Variants in SENP8 observed in about 807,000 individuals in gnomAD.
SENP8 encodes the protein SUMO peptidase family member, NEDD8 specific, also known as sentrin-specific protease 8.
SENP8 carries 10 observed loss-of-function variants against 14.4 expected under a neutral mutation model. The observed-to-expected ratio is 0.69, with a 90% CI of 0.43 to 1.18. The LOEUF is 1.18. Among genes scored for constraint, SENP8 ranks in the 50% most tolerant of loss-of-function variants. The pLI is 0.00. For missense variants in SENP8, 202 were observed against 249.4 expected (o/e 0.81, Z 1.28); for synonymous variants, 94 against 95.5 (o/e 0.98, Z 0.09).
At chr15:72,121,215 T>A (rs2081164440) in intron 1 of SENP8, among the ~76,000 whole-genome samples, 3 of 152,020 alleles carry the variant, frequency 2.0e-5, no homozygotes, top group South Asian at 4.2e-4. Flanking sequence ...AGAAAATAAA[T>A]CAGGAAAGGT....
intron 1 of SENP8, among the ~76,000 whole-genome samples, chr15:72,121,179 G>A (rs1567065101): frequency 6.6e-6 from 1 of 152,182 alleles, no homozygotes; most frequent in Non-Finnish European, 1.5e-5. Context: ...GAGCTTGTGG[G>A]TGTATATGTC....
chr15:72,117,093 G>C (rs2081010341), upstream of SENP8: 1 of 152,298 alleles, frequency 6.6e-6, no homozygotes, highest in African/African-American at 2.4e-5. Flanking sequence ...GTTGAGAGAG[G>C]CTACAGTCGG....
upstream of SENP8, among the ~76,000 whole-genome samples, chr15:72,117,491 A>G (rs2081035303): frequency 6.6e-6 from 1 of 152,010 alleles, no homozygotes; most frequent in Non-Finnish European, 1.5e-5. Context: ...CGGCCAATGG[A>G]AGATACAGGG....
At chr15:72,114,817 TTGAC>T (rs2080909760), upstream of SENP8, among the ~76,000 whole-genome samples, 1 of 152,192 alleles carries the variant, frequency 6.6e-6, no homozygotes, top group African/African-American at 2.4e-5. Flanking sequence ...TGAAAAGTCT[TTGAC>T]TAATATTTAT....
intron 1 of SENP8, among the ~76,000 whole-genome samples, chr15:72,124,246 T>A (rs2081193126): frequency 6.6e-6 from 1 of 151,828 alleles, no homozygotes; most frequent in African/African-American, 2.4e-5. Flanking sequence ...AGGAAAAATA[T>A]TTATTTATTA....
At chr15:72,116,726 G>A (rs1268382888), upstream of SENP8, 3 of 152,214 alleles carry the variant, frequency 2.0e-5, no homozygotes, top group East Asian at 5.8e-4. Flanking sequence ...ACTACAAGAC[G>A]ACATAGTTAT....
chr15:72,134,433 G>A (rs905859913), intron 1 of SENP8, among the ~76,000 whole-genome samples: 2 of 152,096 alleles, frequency 1.3e-5, no homozygotes, highest in African/African-American at 4.8e-5. Flanking sequence ...TTAAAAATTA[G>A]CCAGGCATGG....
intron 1 of SENP8, among the ~76,000 whole-genome samples, chr15:72,138,356 T>A (rs1232516249): frequency 6.6e-6 from 1 of 151,098 alleles, no homozygotes; most frequent in Non-Finnish European, 1.5e-5. Context: ...TAACTTTTTT[T>A]TTTTTTTTTT....
intron 1 of SENP8, among the ~76,000 whole-genome samples, chr15:72,129,095 T>TACA (rs1428823606): frequency 6.6e-6 from 1 of 152,260 alleles, no homozygotes; most frequent in Non-Finnish European, 1.5e-5. Flanking sequence ...AATTGCTGTA[T>TACA]GCCATATAAA....
chr15:72,132,083 T>A (rs187264958), intron 1 of SENP8, among the ~76,000 whole-genome samples: 2 of 152,216 alleles, frequency 1.3e-5, no homozygotes, highest in African/African-American at 4.8e-5. Context: ...AGAGGAAGAA[T>A]AACTTGCCCA....
intron 1 of SENP8, among the ~76,000 whole-genome samples, chr15:72,137,585 G>A (rs113055263): frequency 0.016 from 2,412 of 152,224 alleles, 72 homozygotes; most frequent in African/African-American, 0.055. Flanking sequence ...ATGATTCTCT[G>A]TTTTTAAAAT....
chr15:72,123,379 G>C (rs1369777202), intron 1 of SENP8, among the ~76,000 whole-genome samples: 1 of 151,860 alleles, frequency 6.6e-6, no homozygotes, highest in Non-Finnish European at 1.5e-5. Flanking sequence ...AATTCTAATG[G>C]CCTCTCCACA....
chr15:72,141,266 T>TTAAA lies in SENP8; in HGVS notation c.*1007_*1010dup, dbSNP rs1252925410. ...AACAGACTTAGAGTTGGTTTGTTTT[T>TTAAA]TAAATATAAAGGAAGAAAAGTGACC... On this transcript the variant is annotated 3_prime_UTR_variant, in exon 2 of 2. Transcript: ENST00000340912. The TTAAA allele has an allele frequency of 3.3e-5, 5 of 152,208 alleles. No individual in the cohort carries two copies. Among genetic ancestry groups the TTAAA allele is most frequent in the Non-Finnish European group, 5.9e-5 (4 of 68,036 alleles). The allele number at this position is 152,208 out of a possible 1,614,324, so 9.4% of individuals were successfully genotyped here. A position where few individuals can be genotyped will look rare whatever the true frequency, so the allele number is the denominator to read the frequency against.
intron 1 of SENP8, among the ~76,000 whole-genome samples, chr15:72,128,085 G>A (rs535934066): frequency 2.7e-5 from 4 of 149,892 alleles, no homozygotes; most frequent in African/African-American, 9.8e-5. Context: ...AGAGTGAGAC[G>A]TTTTCAAAGA....
upstream of SENP8, chr15:72,117,588 G>C (rs1349639892): frequency 2.1e-5 from 8 of 385,038 alleles, no homozygotes; most frequent in African/African-American, 6.2e-5. Context: ...CCGCTGGGAC[G>C]GGGCGGGGCG....
chr15:72,131,757 T>G (rs1318233715), intron 1 of SENP8, among the ~76,000 whole-genome samples: 1 of 152,186 alleles, frequency 6.6e-6, no homozygotes, highest in Non-Finnish European at 1.5e-5. Context: ...AGAGAACAAT[T>G]TTCCCTGGAC....
intron 1 of SENP8, among the ~76,000 whole-genome samples, chr15:72,119,342 G>A (rs1245875918): frequency 6.6e-6 from 1 of 152,216 alleles, no homozygotes; most frequent in Non-Finnish European, 1.5e-5. Context: ...ATTCTGGGTT[G>A]TGCCAGGTGT....
At chr15:72,134,811 C>A (rs766515245) in intron 1 of SENP8, 3 of 279,938 alleles carry the variant, frequency 1.1e-5, no homozygotes, top group African/African-American at 4.6e-5. Flanking sequence ...AGAAGTGTTA[C>A]CATGGCAAAA....
chr15:72,142,038 G>C lies in SENP8; in HGVS notation c.*1776G>C, dbSNP rs1346509339. The C allele has an allele frequency of 6.6e-6, 1 of 152,110 alleles. No homozygotes were observed. The highest frequency in any genetic ancestry group is 1.5e-5 in the Non-Finnish European group (1 of 68,026). 9.4% of individuals were successfully genotyped at this position (152,110 alleles called of 1,614,324 possible). On this transcript the variant is annotated 3_prime_UTR_variant, in exon 2 of 2. Transcript: ENST00000340912. Reference sequence around the variant, plus strand: ...AAATATCAGAGTATCTTCAATCTGAGAATTAAAGCATATGAAAGCAATCTT... The same window carrying C: ...AAATATCAGAGTATCTTCAATCTGACAATTAAAGCATATGAAAGCAATCTT...
Sources: allele counts gnomAD v4.1 joint callset (sites outside exome capture counted in the v4.1 genomes callset), GRCh38; gene constraint gnomAD v4.1.1; transcripts MANE v1.5; gene names NCBI Gene and HGNC (gene_info 2026-07-23, HGNC 2026-07-21).